Variants in FSTL5 observed in about 807,000 individuals in gnomAD.
FSTL5 encodes follistatin-related protein 5.
Under a neutral mutation model 89.1 loss-of-function variants are expected in FSTL5, and 62 were observed. The observed-to-expected ratio is 0.70, with a 90% CI of 0.57 to 0.86. The LOEUF (loss-of-function observed/expected upper bound fraction) is 0.86, where lower values mean the gene tolerates loss of function less well. Ranked by LOEUF, FSTL5 falls within the 40% of genes least tolerant of loss-of-function variation. The probability of loss-of-function intolerance (pLI) is 0.00; values close to 1 mark genes in which losing one functional copy is unlikely to be tolerated. For missense variants in FSTL5, 1,057 were observed against 1,001.6 expected (o/e 1.06, Z -0.75); for synonymous variants, 383 against 346.2 (o/e 1.11, Z -1.18).
chr4:161,710,879 C>T (rs892589113), intron 6 of FSTL5, among the ~76,000 whole-genome samples: 2 of 152,058 alleles, frequency 1.3e-5, no homozygotes, highest in Admixed American at 6.5e-5. Context: ...TACAACTCTA[C>T]AACATAAGGG....
chr4:161,512,020 G>A (rs4527437), intron 10 of FSTL5, among the ~76,000 whole-genome samples: 29,463 of 151,932 alleles, frequency 0.19, 3,100 homozygotes, highest in East Asian at 0.37. Context: ...ACATATTGAG[G>A]GAATGTGTCA....
intron 6 of FSTL5, among the ~76,000 whole-genome samples, chr4:161,742,190 G>T (rs767880421): frequency 1.3e-5 from 2 of 152,192 alleles, no homozygotes; most frequent in Non-Finnish European, 2.9e-5. Flanking sequence ...TTGTTAAGGA[G>T]GGTCCATTTG....
intron 8 of FSTL5, among the ~76,000 whole-genome samples, chr4:161,577,772 C>A (rs1733281748): frequency 6.6e-6 from 1 of 152,058 alleles, no homozygotes; most frequent in African/African-American, 2.4e-5. Context: ...CTACGGAAAC[C>A]ACTACAATCA....
At chr4:161,407,389 G>A (rs1166856889) in intron 15 of FSTL5, among the ~76,000 whole-genome samples, 3 of 152,172 alleles carry the variant, frequency 2.0e-5, no homozygotes, top group African/African-American at 7.2e-5. Context: ...ACTGAATGAG[G>A]ATGGGGAGGA....
chr4:161,939,726 A>ACAAG lies in FSTL5; in HGVS notation c.161-19078_161-19075dup, dbSNP rs562835840. Among the ~76,000 whole-genome samples the ACAAG allele has an allele frequency of 2.2e-3, 330 of 152,138 alleles. 2 individuals carry two copies. The highest frequency in any genetic ancestry group is 0.017 in the Middle Eastern group (5 of 294). On this transcript the variant is annotated intron_variant, in intron 3 of 15. Coordinates refer to ENST00000306100, the MANE Select transcript of FSTL5 (RefSeq NM_020116.5). ...ATAAGGTGTCATTCTGAATTACTGA[A>ACAAG]CAAGCACTAACATGAGGATAACAGT... is the stretch of plus-strand genomic sequence containing the variant.
At chr4:161,780,684 T>C (rs1741632526) in intron 4 of FSTL5, among the ~76,000 whole-genome samples, 1 of 152,210 alleles carries the variant, frequency 6.6e-6, no homozygotes, top group Non-Finnish European at 1.5e-5. Context: ...TCCAAATGCC[T>C]GCACCTGTAT....
chr4:161,791,104 T>A (rs1287110863), intron 4 of FSTL5, among the ~76,000 whole-genome samples: 1 of 151,998 alleles, frequency 6.6e-6, no homozygotes, highest in East Asian at 1.9e-4. Flanking sequence ...CCAGACTTGG[T>A]CCCAGAGAAG....
chr4:161,613,868 C>T (rs1379604516), intron 7 of FSTL5, among the ~76,000 whole-genome samples: 3 of 152,076 alleles, frequency 2.0e-5, no homozygotes, highest in Non-Finnish European at 4.4e-5. Flanking sequence ...CTGCTAAACA[C>T]TTTGAAACAA....
chr4:161,622,214 C>T (rs189017793), intron 7 of FSTL5, among the ~76,000 whole-genome samples: 102 of 152,064 alleles, frequency 6.7e-4, no homozygotes, highest in Admixed American at 2.4e-3. Context: ...TCTTAACAGC[C>T]TTTTATCTCT....
intron 8 of FSTL5, among the ~76,000 whole-genome samples, chr4:161,582,303 T>C (rs1733463050): frequency 6.6e-6 from 1 of 152,202 alleles, no homozygotes; most frequent in Admixed American, 6.5e-5. Flanking sequence ...TCTTTTTAAC[T>C]TTTTCTAAAA....
At chr4:161,672,749 T>A (rs1291419320) in intron 6 of FSTL5, among the ~76,000 whole-genome samples, 3 of 144,460 alleles carry the variant, frequency 2.1e-5, no homozygotes, top group Non-Finnish European at 4.5e-5. Context: ...AAGTAAGGTG[T>A]TTATTGATTT....
At chr4:161,886,677 T>G (rs958198140) in intron 4 of FSTL5, among the ~76,000 whole-genome samples, 2 of 152,198 alleles carry the variant, frequency 1.3e-5, no homozygotes, top group Non-Finnish European at 2.9e-5. Context: ...TTTATCTGTA[T>G]TAGAAAGTCA....
At chr4:162,123,546 A>C (rs1731951232) in intron 1 of FSTL5, among the ~76,000 whole-genome samples, 1 of 152,172 alleles carries the variant, frequency 6.6e-6, no homozygotes. Context: ...GAAAGTGGAG[A>C]GTAAACTATC....
intron 4 of FSTL5, among the ~76,000 whole-genome samples, chr4:161,849,779 G>A (rs905924198): frequency 2.0e-5 from 3 of 152,184 alleles, no homozygotes; most frequent in East Asian, 3.9e-4. Context: ...TGTCTTTAGC[G>A]ATACTGTCAA....
chr4:161,673,102 C>T (rs1314480310), intron 6 of FSTL5, among the ~76,000 whole-genome samples: 3 of 151,944 alleles, frequency 2.0e-5, no homozygotes, highest in Admixed American at 6.6e-5. Flanking sequence ...ATACAGTTAA[C>T]TCAGTGGGAA....
intron 4 of FSTL5, among the ~76,000 whole-genome samples, chr4:161,891,612 T>C (rs1187472567): frequency 6.6e-6 from 1 of 152,140 alleles, no homozygotes; most frequent in Admixed American, 6.6e-5. Flanking sequence ...TAGGAATCAG[T>C]AAGTGACAAA....
chr4:161,449,393 G>A (rs1007555250), intron 15 of FSTL5, among the ~76,000 whole-genome samples: 5 of 152,128 alleles, frequency 3.3e-5, no homozygotes, highest in African/African-American at 1.2e-4. Flanking sequence ...CAAAAAATGA[G>A]AAAAGTGGTT....
rs562191626 is a variant in FSTL5, at chr4:162,038,354, C to A, written c.127-4696G>T. 2.2e-3 allele frequency among the ~76,000 whole-genome samples: 329 copies of A among 151,806 alleles called. 3 individuals carry two copies. The highest frequency in any genetic ancestry group is 7.5e-3 in the African/African-American group (313 of 41,470). On this transcript the variant is annotated intron_variant, in intron 2 of 15. Transcript: ENST00000306100. ...TAAGATGGCTAAAAGCTTTAGCAGA[C>A]AGTATGATAAAGATTAGCAAAGACA...
intron 3 of FSTL5, among the ~76,000 whole-genome samples, chr4:162,014,203 A>G (rs924676236): frequency 6.6e-6 from 1 of 152,202 alleles, no homozygotes; most frequent in Non-Finnish European, 1.5e-5. Context: ...ATTTGTATGG[A>G]AAAGAGCATC....
Sources: allele counts gnomAD v4.1 joint callset (sites outside exome capture counted in the v4.1 genomes callset), GRCh38; gene constraint gnomAD v4.1.1; transcripts MANE v1.5; gene names NCBI Gene and HGNC (gene_info 2026-07-23, HGNC 2026-07-21).